Variants in NPAT observed in about 807,000 individuals in gnomAD.
NPAT encodes protein NPAT.
Under a neutral mutation model 130.7 loss-of-function variants are expected in NPAT, and 52 were observed. The observed-to-expected ratio is 0.40, with a 90% CI of 0.32 to 0.50. The LOEUF is 0.50. NPAT is among the 20% of genes least tolerant of loss of function. The probability of loss-of-function intolerance (pLI) is 0.68; values close to 1 mark genes in which losing one functional copy is unlikely to be tolerated. For missense variants in NPAT, 1,687 were observed against 1,662.6 expected, an observed-to-expected ratio of 1.01 and a Z score of -0.26; for synonymous variants, 580 against 584.8, an observed-to-expected ratio of 0.99 and a Z score of 0.12.
chr11:108,176,503 T>A, intron 11 of NPAT, 129 bp from the exon 12 acceptor site: 2 of 704,354 alleles, frequency 2.8e-6, no homozygotes, highest in South Asian at 3.4e-5. Flanking sequence ...TTAAAAAATG[T>A]TGCTTTTAAT....
At position 108,185,307 on chromosome 11, in the gene NPAT, A is replaced by G. The variant is rs35783388; in HGVS notation, c.831T>C (p.Ile277=). ...INKFLTSDNN[I]AQVPKQTDNN... ...TATCTGTTTGCTTAGGTACTTGGGC[A>G]ATATTGTTATCACTGTTAATAAAGA... The change falls in exon 10 of 18, where the codon ATT becomes ATC. Residue 277 remains isoleucine, a synonymous_variant. Coordinates refer to ENST00000278612, the MANE Select transcript of NPAT (RefSeq NM_002519.3). The G allele has an allele frequency of 1.7e-3, 2,685 of 1,610,130 alleles. 41 individuals carry two copies. In the African/African-American group the frequency reaches 0.031, roughly 19 times the overall value.
chr11:108,197,478 C>T lies in NPAT; in HGVS notation c.38-58G>A. 2.7e-6 allele frequency: 3 copies of T among 1,092,672 alleles called. No individual in the cohort carries two copies. In the South Asian group the frequency reaches 3.7e-5, roughly 14 times the overall value. The allele number at this position is 1,092,672 out of a possible 1,614,324, so 67.7% of individuals were successfully genotyped here. On this transcript the variant is annotated intron_variant, in intron 1 of 17. Coordinates refer to ENST00000278612, the MANE Select transcript of NPAT (RefSeq NM_002519.3). ...CTAAATTCTGTACTTTTGGTTAAAA[C>T]TGCTATTGAAAATGCTGTAGCATGT...
rs985047453 is a variant in NPAT, at chr11:108,176,980, A to C, written c.1003+14T>G. 2 of 1,550,248 alleles carry C rather than the reference A, an allele frequency of 1.3e-6. No homozygotes were observed. Among genetic ancestry groups the C allele is most frequent in the East Asian group, 4.5e-5 (2 of 44,398 alleles). On this transcript the variant is annotated intron_variant, in intron 11 of 17. Coordinates refer to ENST00000278612, the MANE Select transcript of NPAT (RefSeq NM_002519.3). The stretch of plus-strand genomic sequence containing the variant: ...AGCCTTTTTTTTCTGTCTTGAAATA[A>C]ATAGTCTCCTTACCATAGTCAAAGA...
intron 1 of NPAT, among the ~76,000 whole-genome samples, chr11:108,214,613 TA>T (rs774278262): frequency 6.7e-6 from 1 of 150,216 alleles, no homozygotes; most frequent in Non-Finnish European, 1.5e-5. Flanking sequence ...CATATCTCAA[TA>T]AAAAAATATG....
chr11:108,191,591 T>C (rs1565320131), intron 4 of NPAT, among the ~76,000 whole-genome samples: 1 of 152,192 alleles, frequency 6.6e-6, no homozygotes, highest in Non-Finnish European at 1.5e-5. Flanking sequence ...ATGCTGAAGT[T>C]AGGTGGGGTA....
chr11:108,190,416 A>G, intron 5 of NPAT, 44 bp downstream of exon 5: 2 of 1,487,162 alleles, frequency 1.3e-6, no homozygotes, highest in East Asian at 4.5e-5. Context: ...CTGATAGTTT[A>G]AGTTTGAAGT....
At chr11:108,159,579 C>T (rs893706277) in intron 17 of NPAT, among the ~76,000 whole-genome samples, 1 of 152,136 alleles carries the variant, frequency 6.6e-6, no homozygotes, top group Non-Finnish European at 1.5e-5. Flanking sequence ...TCCCTGATAC[C>T]ATACTTCCTC....
At chr11:108,186,356 C>A in intron 8 of NPAT, 126 bp downstream of exon 8, 2 of 729,696 alleles carry the variant, frequency 2.7e-6, no homozygotes, top group Non-Finnish European at 4.8e-6. Context: ...AATGTATTTA[C>A]AGATATCTAT....
chr11:108,189,275 T>A lies in NPAT; in HGVS notation c.387A>T (p.Gln129His). Reference sequence around the variant, plus strand: ...GCAACTCTGCACTGGCTGGAGCTGTTTGAGATGCAAGCTTTCTCTGCCGTT... The same window carrying A: ...GCAACTCTGCACTGGCTGGAGCTGTATGAGATGCAAGCTTTCTCTGCCGTT... ...EIKRQRKLAS[Q>H]TAPASAELLT... The change falls in exon 6 of 18, where the codon CAA (glutamine) becomes CAT (histidine). Residue 129 changes from glutamine (Q) to histidine (H), a missense_variant. This residue lies in a region of NPAT where 307 missense variants were observed against 298.9 expected (regional missense o/e 1.03). Coordinates refer to ENST00000278612, the MANE Select transcript of NPAT (RefSeq NM_002519.3). The A allele has an allele frequency of 6.2e-7, 1 of 1,614,194 alleles. No individual in the cohort carries two copies. Among genetic ancestry groups the A allele is most frequent in the South Asian group, 1.1e-5 (1 of 91,082 alleles).
At chr11:108,213,662 T>C (rs1330784034) in intron 1 of NPAT, among the ~76,000 whole-genome samples, 1 of 152,040 alleles carries the variant, frequency 6.6e-6, no homozygotes, top group African/African-American at 2.4e-5. Flanking sequence ...ATCCTAAAAC[T>C]CCTAAGGTAA....
At position 108,172,823 on chromosome 11, in the gene NPAT, C is replaced by T; in HGVS notation, c.2161G>A (p.Asp721Asn). 1.2e-6 allele frequency: 2 copies of T among 1,613,766 alleles called. No individual in the cohort carries two copies. The highest frequency in any genetic ancestry group is 8.5e-7 in the Non-Finnish European group (1 of 1,180,028). ...GAGTTGTTGCTAGAAGGTTTATCAT[C>T]AGTATTTTGGGACTCAGGGTGAGAA... is the stretch of plus-strand genomic sequence containing the variant. ...GDSHPESQNT[D>N]DKPSSNNSAE... The change falls in exon 13 of 18, where the codon GAT becomes AAT. Residue 721 changes from aspartate (D) to asparagine (N), a missense_variant. Physicochemically the swap from Asp to Asn is conservative, Grantham distance 23 (BLOSUM62 1). Around this residue, in one of 3 missense-constraint regions of NPAT, gnomAD observed 1,379 missense variants for 1,346.6 expected, o/e 1.02. Transcript: ENST00000278612.
intron 1 of NPAT, among the ~76,000 whole-genome samples, chr11:108,219,827 CA>C (rs1014220405): frequency 2.0e-5 from 3 of 151,618 alleles, no homozygotes; most frequent in African/African-American, 4.8e-5. Context: ...TATATTTTAT[CA>C]AAAAAAAGTA....
intron 1 of NPAT, among the ~76,000 whole-genome samples, chr11:108,205,692 G>A (rs1394404174): frequency 6.6e-6 from 1 of 152,198 alleles, no homozygotes; most frequent in African/African-American, 2.4e-5. Flanking sequence ...ACTAAAGGGG[G>A]ACTCCTTCAG....
chr11:108,190,543 T>C, intron 4 of NPAT, 43 bp from the exon 5 acceptor site: 1 of 1,555,186 alleles, frequency 6.4e-7, no homozygotes, highest in Non-Finnish European at 8.9e-7. Context: ...AAAATGTTTG[T>C]TGCTGACATC....
intron 13 of NPAT, chr11:108,171,876 C>T: frequency 4.1e-6 from 1 of 244,096 alleles, no homozygotes; most frequent in Admixed American, 4.9e-5. Context: ...TTTAAAAACT[C>T]CCCCACAACA....
chr11:108,214,926 C>A (rs780983537), intron 1 of NPAT, among the ~76,000 whole-genome samples: 142 of 152,348 alleles, frequency 9.3e-4, no homozygotes, highest in Non-Finnish European at 1.8e-3. Flanking sequence ...AGCCACTGCA[C>A]CCGGCCTATG....
chr11:108,196,300 C>T (rs932883329), intron 2 of NPAT, among the ~76,000 whole-genome samples: 1 of 152,114 alleles, frequency 6.6e-6, no homozygotes, highest in Non-Finnish European at 1.5e-5. Context: ...GTATGTGGTT[C>T]CACATGCCTA....
chr11:108,188,877 A>G (rs759466370), intron 6 of NPAT, among the ~76,000 whole-genome samples: 83 of 152,332 alleles, frequency 5.4e-4, no homozygotes, highest in Admixed American at 1.6e-3. Flanking sequence ...TGAGAATTAG[A>G]GAGTTGAAGA....
At chr11:108,204,167 T>A (rs1363864893) in intron 1 of NPAT, among the ~76,000 whole-genome samples, 1 of 152,148 alleles carries the variant, frequency 6.6e-6, no homozygotes, top group East Asian at 1.9e-4. Context: ...AAGAGACAAA[T>A]TCCCAGGCAG....
Sources: allele counts gnomAD v4.1 joint callset (sites outside exome capture counted in the v4.1 genomes callset), GRCh38; gene constraint gnomAD v4.1.1; regional missense constraint gnomAD v4.1.1; transcripts MANE v1.5; gene names NCBI Gene and HGNC (gene_info 2026-07-23, HGNC 2026-07-21).